The following RELCH variants were observed in gnomAD, a reference collection of about 807,000 sequenced individuals.
RELCH encodes RAB11-binding protein RELCH.
In RELCH, 41 loss-of-function variants were observed where a neutral mutation model predicts 150.3. That is an observed-to-expected ratio of 0.27 (90% CI 0.21 to 0.35). RELCH has a LOEUF of 0.35. Ranked by LOEUF, RELCH falls within the 10% of genes least tolerant of loss-of-function variation. The probability of loss-of-function intolerance (pLI) is 1.00; values close to 1 mark genes in which losing one functional copy is unlikely to be tolerated. For synonymous variants in RELCH, 478 were observed against 531.8 expected, an observed-to-expected ratio of 0.90 and a Z score of 1.39; for missense variants, 1,092 against 1,467.8, an observed-to-expected ratio of 0.74 and a Z score of 4.18.
intron 8 of RELCH, among the ~76,000 whole-genome samples, chr18:62,229,518 G>GTGTGTGTCTGTCTGTC (rs539055675): frequency 1.5e-4 from 22 of 147,644 alleles, no homozygotes; most frequent in Admixed American, 6.9e-4. Context: ...GTGTGTGTGT[G>GTGTGTGTCTGTCTGTC]TGTCTGTCTG....
intron 27 of RELCH, among the ~76,000 whole-genome samples, chr18:62,293,428 C>G (rs1031657561): frequency 6.6e-6 from 1 of 152,120 alleles, no homozygotes; most frequent in Non-Finnish European, 1.5e-5. Context: ...AGGCAGATTC[C>G]TTCTTCAGGA....
At chr18:62,242,200 G>A (rs1171679084) in intron 10 of RELCH, among the ~76,000 whole-genome samples, 75 of 152,118 alleles carry the variant, frequency 4.9e-4, no homozygotes, top group Admixed American at 4.8e-3. Context: ...AAAAATTATT[G>A]GCAGTGACTT....
rs116737813 is a variant in RELCH, at chr18:62,203,847, G to A, written c.527-7306G>A. ...AATTAAAAAGTTAGTCAGCAATGGT[G>A]GCACATCTCTAGTCCTAGCTACTTG... On this transcript the variant is annotated intron_variant, in intron 1 of 28. Coordinates refer to ENST00000644646, the MANE Select transcript of RELCH (RefSeq NM_001346231.2). Among the ~76,000 whole-genome samples, 776 of 152,140 alleles carry A rather than the reference G, an allele frequency of 5.1e-3. 4 individuals are homozygous for A. Among genetic ancestry groups the A allele is most frequent in the African/African-American group, 0.018 (737 of 41,504 alleles).
intron 1 of RELCH, among the ~76,000 whole-genome samples, chr18:62,195,755 G>A (rs1048394316): frequency 1.3e-5 from 2 of 151,466 alleles, no homozygotes; most frequent in African/African-American, 4.9e-5. Flanking sequence ...GAGTGCAGTG[G>A]TGCAGTCTTG....
rs762621824 is a variant in RELCH, at chr18:62,264,716, C to A, written c.2508-13C>A. 2.1e-5 allele frequency: 33 copies of A among 1,558,696 alleles called. No individual in the cohort carries two copies. The highest frequency in any genetic ancestry group is 2.9e-5 in the Non-Finnish European group (33 of 1,146,636). On this transcript the variant is annotated splice_polypyrimidine_tract_variant and intron_variant, in intron 17 of 28. Transcript: ENST00000644646. The stretch of plus-strand genomic sequence containing the variant: ...TGTATCCCCTGCCTATTTTTCTTTC[C>A]TTTCATATTCAGGTTGCCACAACTT...
intron 11 of RELCH, chr18:62,246,264 G>T (rs2148506976): frequency 6.6e-6 from 1 of 152,206 alleles, no homozygotes; most frequent in Non-Finnish European, 1.5e-5. Flanking sequence ...AATAATTTTT[G>T]ATATTCATGT....
At chr18:62,230,491 G>T (rs532154222) in intron 8 of RELCH, among the ~76,000 whole-genome samples, 1 of 151,976 alleles carries the variant, frequency 6.6e-6, no homozygotes, top group African/African-American at 2.4e-5. Context: ...CTAATTTTTG[G>T]TGTTAGCCTT....
At chr18:62,246,178 T>C (rs2042402010) in intron 11 of RELCH, 1 of 152,242 alleles carries the variant, frequency 6.6e-6, no homozygotes, top group Non-Finnish European at 1.5e-5. Flanking sequence ...CCATTTATCG[T>C]AAAACATTGA....
intron 10 of RELCH, 142 bp downstream of exon 10, chr18:62,232,569 G>A: frequency 6.7e-6 from 4 of 597,512 alleles, no homozygotes; most frequent in Non-Finnish European, 9.1e-6. Flanking sequence ...ATGCATCTCT[G>A]CTCCTAGAGA....
At chr18:62,221,565 G>A (rs1293432706) in intron 5 of RELCH, 68 bp downstream of exon 5, 15 of 568,956 alleles carry the variant, frequency 2.6e-5, no homozygotes, top group African/African-American at 4.3e-5. Context: ...CTTTTACGTA[G>A]TTTCTTTTTT....
In RELCH at chr18:62,219,545, T is replaced by C. The variant is rs184044841; in HGVS notation, c.617-1492T>C. ...ACCAACATGCTGTGTAAACCTATTCTGTACTTACCTTACACACTGAATGTG... is the reference window on the plus strand; with the variant it reads ...ACCAACATGCTGTGTAAACCTATTCCGTACTTACCTTACACACTGAATGTG... On this transcript the variant is annotated intron_variant, in intron 2 of 28. Coordinates refer to ENST00000644646, the MANE Select transcript of RELCH (RefSeq NM_001346231.2). Among the ~76,000 whole-genome samples the C allele has an allele frequency of 1.3e-3, 197 of 151,584 alleles. 1 individual carries two copies. Among genetic ancestry groups the C allele is most frequent in the Non-Finnish European group, 2.1e-3 (140 of 67,742 alleles).
intron 5 of RELCH, among the ~76,000 whole-genome samples, chr18:62,224,885 C>G (rs2041113119): frequency 6.6e-6 from 1 of 151,814 alleles, no homozygotes. Flanking sequence ...TTCTAAAATT[C>G]ATATGAAAAG....
chr18:62,187,395 G>T lies in RELCH; in HGVS notation c.-111G>T. 1 of 1,045,254 alleles carries T rather than the reference G, an allele frequency of 9.6e-7. No individual in the cohort carries two copies. The highest frequency in any genetic ancestry group is 1.3e-6 in the Non-Finnish European group (1 of 760,490). 64.7% of individuals were successfully genotyped at this position (1,045,254 alleles called of 1,614,324 possible). On this transcript the variant is annotated 5_prime_UTR_variant, in exon 1 of 29. Coordinates refer to ENST00000644646, the MANE Select transcript of RELCH (RefSeq NM_001346231.2). ...TTGTCTCTAAGTCGGGAGGCAGGAC[G>T]TGGTCAGGCCGGGGCTGTGGAGGTG...
At chr18:62,264,615 C>G in intron 17 of RELCH, 114 bp from the exon 18 acceptor site, 1 of 774,706 alleles carries the variant, frequency 1.3e-6, no homozygotes, top group Non-Finnish European at 2.1e-6. Context: ...CAATGCCTTT[C>G]CTTTCAAAGA....
intron 2 of RELCH, among the ~76,000 whole-genome samples, chr18:62,213,118 A>G (rs2040268400): frequency 6.6e-6 from 1 of 152,144 alleles, no homozygotes; most frequent in Non-Finnish European, 1.5e-5. Flanking sequence ...GGATGAATTT[A>G]TCCTAATTGT....
rs183273096 is a variant in RELCH at position 62,238,516 on chromosome 18, G to T, written c.1620+6089G>T. Among the ~76,000 whole-genome samples, 314 of 152,066 alleles carry T rather than the reference G, an allele frequency of 2.1e-3. 4 individuals are homozygous for T. Among genetic ancestry groups the T allele is most frequent in the African/African-American group, 7.3e-3 (304 of 41,518 alleles). The stretch of plus-strand genomic sequence containing the variant: ...GAGGAAATTCTATAATTAAAAAATA[G>T]AATTTTTTAAAAGATTACTTCAAGT... On this transcript the variant is annotated intron_variant, in intron 10 of 28. Transcript: ENST00000644646.
At chr18:62,212,456 G>GAATAC (rs1403523578) in intron 2 of RELCH, among the ~76,000 whole-genome samples, 2 of 152,178 alleles carry the variant, frequency 1.3e-5, no homozygotes, top group African/African-American at 2.4e-5. Flanking sequence ...TGGGGTCAGA[G>GAATAC]AATACCCATA....
chr18:62,254,498 G>A (rs546537543), intron 12 of RELCH, among the ~76,000 whole-genome samples: 11 of 76,722 alleles, frequency 1.4e-4, no homozygotes, highest in Non-Finnish European at 2.8e-4. Context: ...ACAGCCATAC[G>A]TTGACATTCA....
chr18:62,249,779 C>CT (rs1157366771), intron 11 of RELCH, among the ~76,000 whole-genome samples: 2 of 151,338 alleles, frequency 1.3e-5, no homozygotes, highest in Non-Finnish European at 2.9e-5. Flanking sequence ...AAGTGATCTA[C>CT]TTTCACCTTA....
Sources: gnomAD v4.1 joint callset for allele counts (sites outside exome capture counted in the v4.1 genomes callset) on GRCh38, gnomAD v4.1.1 for gene constraint, MANE v1.5 for transcripts, NCBI Gene and HGNC (gene_info 2026-07-23, HGNC 2026-07-21) for gene names.